ARHGEF1: variants seen among roughly 807,000 people sequenced by gnomAD.
ARHGEF1 encodes 115 kDa guanine nucleotide exchange factor.
In ARHGEF1, 40 loss-of-function variants were observed where a neutral mutation model predicts 119.7. The ratio of observed to expected loss-of-function variants is 0.33; its 90% CI spans 0.26 to 0.44. The LOEUF (loss-of-function observed/expected upper bound fraction) is 0.44. Ranked by LOEUF, ARHGEF1 falls within the 20% of genes least tolerant of loss-of-function variation. The pLI is 1.00. For synonymous variants in ARHGEF1, 494 were observed against 521.0 expected (o/e 0.95, Z 0.71); for missense variants, 976 against 1,268.3 (o/e 0.77, Z 3.50).
intron 2 of ARHGEF1, among the ~76,000 whole-genome samples, chr19:41,929,504 A>G (rs1267962909): frequency 1.3e-5 from 2 of 151,966 alleles, no homozygotes; most frequent in Non-Finnish European, 2.9e-5. Context: ...GGCCGGCCGG[A>G]CCTCCTGGCC....
intron 4 of ARHGEF1, chr19:41,890,064 C>T (rs1436165986): frequency 6.6e-6 from 1 of 152,270 alleles, no homozygotes; most frequent in Non-Finnish European, 1.5e-5. Flanking sequence ...TCCCTCACCT[C>T]ATCAGCTTGT....
In ARHGEF1 at chr19:41,906,121, C is replaced by T; in HGVS notation, c.2491+96C>T. On this transcript the variant is annotated intron_variant, in intron 26 of 28. Coordinates refer to ENST00000354532, the MANE Select transcript of ARHGEF1 (RefSeq NM_004706.4). This position sits in a 1 kb window ranked among gnomAD's most constrained non-coding sequence, Gnocchi z 4.5. ...TCTCCACGTCAAAAATTTCCTTACG[C>T]CCAGCTGCCAGAAAACAAATGCTCC... 8.1e-7 allele frequency: 1 copy of T among 1,236,362 alleles called. No homozygotes were observed. The highest frequency in any genetic ancestry group is 1.2e-6 in the Non-Finnish European group (1 of 865,554). The allele number at this position is 1,236,362 out of a possible 1,614,324, so 76.6% of individuals were successfully genotyped here.
chr19:41,912,164 C>G (rs782407082), downstream of ARHGEF1, among the ~76,000 whole-genome samples: 2 of 152,300 alleles, frequency 1.3e-5, no homozygotes, highest in African/African-American at 4.8e-5. Flanking sequence ...CAGATGTGCA[C>G]GTACAAGCAA....
chr19:41,903,209 A>T lies in ARHGEF1; in HGVS notation c.1739-98A>T. 1 of 1,117,514 alleles carries T rather than the reference A, an allele frequency of 8.9e-7. No homozygotes were observed. The highest frequency in any genetic ancestry group is 1.3e-6 in the Non-Finnish European group (1 of 751,648). The allele number at this position is 1,117,514 out of a possible 1,614,324, so 69.2% of individuals were successfully genotyped here. A position where few individuals can be genotyped will look rare whatever the true frequency, so the allele number is the denominator to read the frequency against. ...AGTGCTTGGATTACAGGCGTGAGCC[A>T]CCATGCCCGGCCAGCTGTCCTTTGT... On this transcript the variant is annotated intron_variant, in intron 18 of 28. Transcript: ENST00000354532. The surrounding 1 kb of genome is among the most constrained non-coding windows in gnomAD (Gnocchi z 4.2).
Position 41,907,299 on chromosome 19 carries a change from C to A in ARHGEF1, c.*212C>A. 6.5e-7 allele frequency: 1 copy of A among 1,532,332 alleles called. No individual in the cohort carries two copies. The highest frequency in any genetic ancestry group is 8.7e-7 in the Non-Finnish European group (1 of 1,145,090). 94.9% of individuals were successfully genotyped at this position (1,532,332 alleles called of 1,614,324 possible). ...TCCCTCCTGCCCTCTGCTTGGGGGA[C>A]TCAGGGCTCCATTCTGGAGGGCACC... is the stretch of plus-strand genomic sequence containing the variant. On this transcript the variant is annotated 3_prime_UTR_variant, in exon 29 of 29. Transcript: ENST00000354532.
At chr19:41,918,918 C>A (rs1555852176), upstream of ARHGEF1, among the ~76,000 whole-genome samples, 1 of 151,176 alleles carries the variant, frequency 6.6e-6, no homozygotes, top group African/African-American at 2.4e-5. Context: ...ATACACCACA[C>A]ACACATGCAC....
At chr19:41,908,594 C>T (rs577519443), downstream of ARHGEF1, 41 of 1,231,702 alleles carry the variant, frequency 3.3e-5, no homozygotes, top group Admixed American at 1.3e-4. The surrounding 1 kb of genome is among the most constrained non-coding windows in gnomAD (Gnocchi z 6.7). Flanking sequence ...CCGTGAGGTA[C>T]GGGTTAAAGT....
chr19:41,902,243 G>C lies in ARHGEF1; in HGVS notation c.1415-31G>C. On this transcript the variant is annotated intron_variant, in intron 15 of 28. Transcript: ENST00000354532. The surrounding 1 kb of genome is among the most constrained non-coding windows in gnomAD (Gnocchi z 6.5). Reference sequence around the variant, plus strand: ...CCCGCACAGCATCTTCCAGACCCTGGTGGAGCATCCCTTTCCTCCTGCCCC... The same window carrying C: ...CCCGCACAGCATCTTCCAGACCCTGCTGGAGCATCCCTTTCCTCCTGCCCC... 1 of 1,613,244 alleles carries C rather than the reference G, an allele frequency of 6.2e-7. No homozygotes were observed. Among genetic ancestry groups the C allele is most frequent in the Non-Finnish European group, 8.5e-7 (1 of 1,179,470 alleles).
chr19:41,902,234 C>A lies in ARHGEF1; in HGVS notation c.1415-40C>A, dbSNP rs782767331. Reference sequence around the variant, plus strand: ...GCAGCAGGCCCCGCACAGCATCTTCCAGACCCTGGTGGAGCATCCCTTTCC... The same window carrying A: ...GCAGCAGGCCCCGCACAGCATCTTCAAGACCCTGGTGGAGCATCCCTTTCC... On this transcript the variant is annotated intron_variant, in intron 15 of 28. Coordinates refer to ENST00000354532, the MANE Select transcript of ARHGEF1 (RefSeq NM_004706.4). The surrounding 1 kb of genome is among the most constrained non-coding windows in gnomAD (Gnocchi z 6.5). The A allele has an allele frequency of 6.2e-7, 1 of 1,611,768 alleles. No homozygotes were observed. Among genetic ancestry groups the A allele is most frequent in the South Asian group, 1.1e-5 (1 of 90,870 alleles).
chr19:41,910,945 T>G (rs986768081), downstream of ARHGEF1, among the ~76,000 whole-genome samples: 1 of 151,806 alleles, frequency 6.6e-6, no homozygotes, highest in Admixed American at 6.6e-5. This position sits in a 1 kb window ranked among gnomAD's most constrained non-coding sequence, Gnocchi z 4.4. Flanking sequence ...GAATTACACA[T>G]CTCAAGACTG....
At position 41,883,257 on chromosome 19, in the gene ARHGEF1, G is replaced by A; in HGVS notation, c.-52G>A. The A allele has an allele frequency of 5.0e-6, 1 of 200,118 alleles. No homozygotes were observed. Among genetic ancestry groups the A allele is most frequent in the South Asian group, 4.7e-5 (1 of 21,300 alleles). 12.4% of individuals were successfully genotyped at this position (200,118 alleles called of 1,614,324 possible). On this transcript the variant is annotated 5_prime_UTR_variant, in exon 1 of 29. Transcript: ENST00000354532. The surrounding 1 kb of genome is among the most constrained non-coding windows in gnomAD (Gnocchi z 7.6). ...CCGGGATCGCCGAGCCCGACCTCGGGCGCCCCGCCGGTCACCTCCGCGCGG... is the reference window on the plus strand; with the variant it reads ...CCGGGATCGCCGAGCCCGACCTCGGACGCCCCGCCGGTCACCTCCGCGCGG...
At position 41,888,368 on chromosome 19, in the gene ARHGEF1, CT is replaced by C; in HGVS notation, c.111+94del. The C allele has an allele frequency of 5.3e-6, 7 of 1,327,930 alleles. No individual in the cohort carries two copies. The highest frequency in any genetic ancestry group is 6.4e-6 in the Non-Finnish European group (6 of 942,568). The allele number at this position is 1,327,930 out of a possible 1,614,324, so 82.3% of individuals were successfully genotyped here. On this transcript the variant is annotated intron_variant, in intron 3 of 28. Coordinates refer to ENST00000354532, the MANE Select transcript of ARHGEF1 (RefSeq NM_004706.4). The surrounding 1 kb of genome is among the most constrained non-coding windows in gnomAD (Gnocchi z 5.1). The stretch of plus-strand genomic sequence containing the variant: ...CACCTGCAGATGCTGTCTTCTTGGC[CT>C]TTTCCCACGGTCTGTCTCATCCTCT...
At position 41,888,444 on chromosome 19, in the gene ARHGEF1, T is replaced by A. The variant is rs146190506; in HGVS notation, c.111+166T>A. 3.4e-4 allele frequency among the ~76,000 whole-genome samples: 52 copies of A among 152,152 alleles called. No individual in the cohort carries two copies. The highest frequency in any genetic ancestry group is 1.2e-3 in the African/African-American group (49 of 41,518). ...ACCTCGCCGACCCCACACAGCAGCA[T>A]AGACGCCCACCCTTCTTACTCTTAA... On this transcript the variant is annotated intron_variant, in intron 3 of 28. Transcript: ENST00000354532. The surrounding 1 kb of genome is among the most constrained non-coding windows in gnomAD (Gnocchi z 5.1).
At chr19:41,891,435 C>G (rs1398982723) in intron 4 of ARHGEF1, among the ~76,000 whole-genome samples, 1 of 152,158 alleles carries the variant, frequency 6.6e-6, no homozygotes, top group Admixed American at 6.5e-5. Context: ...AGGTGCCCAC[C>G]ACCACACCCG....
intron 1 of ARHGEF1, chr19:41,884,412 C>T (rs1448156548): frequency 2.5e-6 from 4 of 1,597,444 alleles, no homozygotes; most frequent in Non-Finnish European, 3.4e-6. Flanking sequence ...GACGCGGCGG[C>T]AGGGGTGGGG....
At chr19:41,884,114 T>A (rs1348277653) in intron 1 of ARHGEF1, among the ~76,000 whole-genome samples, 2 of 152,108 alleles carry the variant, frequency 1.3e-5, no homozygotes, top group African/African-American at 4.8e-5. Context: ...TGCTCAGCGC[T>A]GGGGTGACTA....
chr19:41,895,772 C>T (rs2074474801), intron 12 of ARHGEF1, among the ~76,000 whole-genome samples: 1 of 152,144 alleles, frequency 6.6e-6, no homozygotes, highest in African/African-American at 2.4e-5. Flanking sequence ...TTTCCAGAAC[C>T]TTCCCTGAGT....
At chr19:41,908,377 C>A, downstream of ARHGEF1, 1 of 1,231,392 alleles carries the variant, frequency 8.1e-7, no homozygotes, top group Non-Finnish European at 1.0e-6. The surrounding 1 kb of genome is among the most constrained non-coding windows in gnomAD (Gnocchi z 6.7). Context: ...GCCTCTGGAC[C>A]CCCAGCCCCT....
chr19:41,907,311 T>C lies in ARHGEF1; in HGVS notation c.*224T>C, dbSNP rs2074718410. The C allele has an allele frequency of 6.5e-7, 1 of 1,533,908 alleles. No individual in the cohort carries two copies. Among genetic ancestry groups the C allele is most frequent in the Non-Finnish European group, 8.7e-7 (1 of 1,146,056 alleles). ...TCTGCTTGGGGGACTCAGGGCTCCA[T>C]TCTGGAGGGCACCACGGTGACCCGG... On this transcript the variant is annotated 3_prime_UTR_variant, in exon 29 of 29. Coordinates refer to ENST00000354532, the MANE Select transcript of ARHGEF1 (RefSeq NM_004706.4).
Sources: gnomAD v4.1 joint callset for allele counts (sites outside exome capture counted in the v4.1 genomes callset) on GRCh38, gnomAD v4.1.1 for gene constraint, Gnocchi (gnomAD v3.1) non-coding constraint, MANE v1.5 for transcripts, NCBI Gene and HGNC (gene_info 2026-07-23, HGNC 2026-07-21) for gene names.